The following SLC9C1 variants were observed in gnomAD, a reference collection of about 807,000 sequenced individuals.
SLC9C1 encodes sodium/hydrogen exchanger 10.
Under a neutral mutation model 140.9 loss-of-function variants are expected in SLC9C1, and 97 were observed. The ratio of observed to expected loss-of-function variants is 0.69; its 90% CI spans 0.58 to 0.82. SLC9C1 has a LOEUF of 0.82. Among genes scored for constraint, SLC9C1 ranks in the 40% least tolerant of loss-of-function variants. The pLI is 0.00. For missense variants in SLC9C1, 1,340 were observed against 1,389.3 expected (o/e 0.96, Z 0.56); for synonymous variants, 440 against 442.6 (o/e 0.99, Z 0.07).
Position 112,204,304 on chromosome 3 carries a change from C to G in SLC9C1, c.2086G>C (p.Asp696His), listed in dbSNP as rs1270177644. 2 of 1,564,324 alleles carry G rather than the reference C, an allele frequency of 1.3e-6. No individual in the cohort carries two copies. The highest frequency in any genetic ancestry group is 2.4e-5 in the East Asian group (1 of 40,894). ...TCATTAAAAATATACTTAATGGTGT[C>G]TATTTCAATAAGTATTACATGTAAG... Reference protein sequence around the residue: ...GILHVILIEIDTIKYIFNETE... With the variant: ...GILHVILIEIHTIKYIFNETE... The change falls in exon 17 of 29, where the codon GAC becomes CAC. Residue 696 changes from aspartate to histidine, a missense_variant. Transcript: ENST00000305815.
chr3:112,286,802 A>C lies in SLC9C1; in HGVS notation c.-11T>G, dbSNP rs2080521456. The C allele has an allele frequency of 6.2e-7, 1 of 1,603,090 alleles. No individual in the cohort carries two copies. The highest frequency in any genetic ancestry group is 8.5e-7 in the Non-Finnish European group (1 of 1,172,426). The stretch of plus-strand genomic sequence containing the variant: ...AAATATTCCAGCCATGTTTCAGAAA[A>C]ATTTTTATGCAGATTTATGTTAGAA... On this transcript the variant is annotated 5_prime_UTR_variant, in exon 2 of 29. It adds an upstream start codon to the 5' untranslated region. Transcript: ENST00000305815.
In SLC9C1 at chr3:112,280,826, A is replaced by T. The variant is rs767084482; in HGVS notation, c.89-43T>A. ...TTACTGAAAGGCAATGAGATATCTCATTTATAGAACTTTAATGTGACATGA... is the reference window on the plus strand; with the variant it reads ...TTACTGAAAGGCAATGAGATATCTCTTTTATAGAACTTTAATGTGACATGA... On this transcript the variant is annotated intron_variant, in intron 2 of 28. Coordinates refer to ENST00000305815, the MANE Select transcript of SLC9C1 (RefSeq NM_183061.3). 6 of 1,535,036 alleles carry T rather than the reference A, an allele frequency of 3.9e-6. No individual in the cohort carries two copies. The East Asian group carries it at 9.0e-5, about 23-fold the overall frequency.
chr3:112,217,177 G>A (rs1480528954), intron 15 of SLC9C1, among the ~76,000 whole-genome samples: 3 of 152,094 alleles, frequency 2.0e-5, no homozygotes, highest in Admixed American at 6.6e-5. Flanking sequence ...GACACATGGT[G>A]GGGAACATCA....
intron 28 of SLC9C1, among the ~76,000 whole-genome samples, chr3:112,150,799 T>C (rs1178613608): frequency 4.1e-5 from 2 of 48,204 alleles, no homozygotes; most frequent in African/African-American, 1.7e-4. Context: ...TATACATATA[T>C]ATATATATAT....
chr3:112,220,588 C>G (rs771916812), intron 14 of SLC9C1, among the ~76,000 whole-genome samples: 8 of 152,234 alleles, frequency 5.3e-5, no homozygotes, highest in Non-Finnish European at 8.8e-5. Flanking sequence ...AATCATAGAT[C>G]CAGCATTCCT....
chr3:112,234,575 T>G (rs1367931204), intron 12 of SLC9C1, among the ~76,000 whole-genome samples: 1 of 152,324 alleles, frequency 6.6e-6, no homozygotes. Context: ...TGAATGGTAT[T>G]GCCTAGGTTT....
chr3:112,207,028 T>C (rs2078072303), intron 16 of SLC9C1, among the ~76,000 whole-genome samples: 1 of 152,070 alleles, frequency 6.6e-6, no homozygotes, highest in Admixed American at 6.6e-5. Flanking sequence ...CATGTTAAAG[T>C]ATATATTTAT....
chr3:112,270,787 G>A (rs1473427255), intron 6 of SLC9C1, among the ~76,000 whole-genome samples: 1 of 152,216 alleles, frequency 6.6e-6, no homozygotes, highest in Non-Finnish European at 1.5e-5. Context: ...CTGCACTCCA[G>A]CCTGGGCAAG....
At chr3:112,267,859 G>T (rs1036718086) in intron 7 of SLC9C1, among the ~76,000 whole-genome samples, 1 of 152,034 alleles carries the variant, frequency 6.6e-6, no homozygotes. Flanking sequence ...CCCTGGATTA[G>T]GTATTATAAC....
chr3:112,154,992 T>C lies in SLC9C1; in HGVS notation c.3417+5A>G. ...CAACTTTTAGAAAGGCTGCTTTAAA[T>C]TTACCTCCTTAACATTTCTTTCTTC... On this transcript the variant is annotated splice_donor_5th_base_variant and intron_variant, in intron 27 of 28. Coordinates refer to ENST00000305815, the MANE Select transcript of SLC9C1 (RefSeq NM_183061.3). 6.2e-7 allele frequency: 1 copy of C among 1,610,774 alleles called. No homozygotes were observed. The highest frequency in any genetic ancestry group is 8.5e-7 in the Non-Finnish European group (1 of 1,178,914).
rs577252618 is a variant in SLC9C1 at position 112,278,991 on chromosome 3, C to A, written c.190-134G>T. On this transcript the variant is annotated intron_variant, in intron 3 of 28. Coordinates refer to ENST00000305815, the MANE Select transcript of SLC9C1 (RefSeq NM_183061.3). ...TATATCACACAAAGGAGTAAGTGAT[C>A]GTATCAAATTCTAGAAACTACAAAT... is the stretch of plus-strand genomic sequence containing the variant. 1.2e-4 allele frequency: 99 copies of A among 798,394 alleles called. No homozygotes were observed. In the Admixed American group the frequency reaches 2.4e-3, roughly 20 times the overall value. 49.5% of individuals were successfully genotyped at this position (798,394 alleles called of 1,614,324 possible).
intron 20 of SLC9C1, among the ~76,000 whole-genome samples, chr3:112,191,348 T>A (rs1233525781): frequency 6.6e-6 from 1 of 152,178 alleles, no homozygotes; most frequent in African/African-American, 2.4e-5. Context: ...TGGCCTTTAT[T>A]GCGTTGAGAT....
intron 12 of SLC9C1, among the ~76,000 whole-genome samples, chr3:112,233,598 A>G (rs1242050137): frequency 2.0e-5 from 3 of 151,530 alleles, no homozygotes; most frequent in African/African-American, 7.3e-5. Flanking sequence ...CGTCATTTAC[A>G]TTAGGTATCT....
At chr3:112,190,294 G>T (rs1297851410) in intron 20 of SLC9C1, among the ~76,000 whole-genome samples, 3 of 152,126 alleles carry the variant, frequency 2.0e-5, no homozygotes, top group Non-Finnish European at 4.4e-5. Flanking sequence ...GTGAGAGAGG[G>T]CATCCCTGTC....
At chr3:112,283,876 C>T (rs936170458) in intron 2 of SLC9C1, among the ~76,000 whole-genome samples, 1 of 147,532 alleles carries the variant, frequency 6.8e-6, no homozygotes, top group South Asian at 2.1e-4. Context: ...GCATCATGAT[C>T]GGTCGCCTAT....
intron 27 of SLC9C1, among the ~76,000 whole-genome samples, chr3:112,152,203 A>G (rs1286249192): frequency 6.6e-6 from 1 of 152,052 alleles, no homozygotes; most frequent in Admixed American, 6.6e-5. Flanking sequence ...CACTATCTCT[A>G]CCATCTCGGA....
In SLC9C1 at chr3:112,264,297, A is replaced by G. The variant is rs1294776620; in HGVS notation, c.925T>C (p.Phe309Leu). The change falls in exon 9 of 29, where the codon TTC (phenylalanine) becomes CTC (leucine). Residue 309 changes from phenylalanine (F) to leucine (L), a missense_variant. By Grantham distance (22) the Phe-to-Leu change is conservative (BLOSUM62 0). Coordinates refer to ENST00000305815, the MANE Select transcript of SLC9C1 (RefSeq NM_183061.3). The part of the protein sequence containing the change: ...SRIAFLMVFT[F>L]FGLLIPAHTY... ...TGTGCAGGAATTAGAAGTCCAAAGA[A>G]AGTAAACACCATGAGAAAAGCAATA... 9.4e-6 allele frequency: 14 copies of G among 1,488,858 alleles called. No homozygotes were observed. The highest frequency in any genetic ancestry group is 1.3e-5 in the Non-Finnish European group (14 of 1,119,272). 92.2% of individuals were successfully genotyped at this position (1,488,858 alleles called of 1,614,324 possible).
At chr3:112,233,026 T>TACACACACACACACACAC (rs60551268) in intron 12 of SLC9C1, among the ~76,000 whole-genome samples, 1 of 134,418 alleles carries the variant, frequency 7.4e-6, no homozygotes, top group Non-Finnish European at 1.5e-5. Flanking sequence ...TTCACTTTCA[T>TACACACACACACACACAC]ACACACACAC....
intron 10 of SLC9C1, among the ~76,000 whole-genome samples, chr3:112,254,855 C>T (rs1204873168): frequency 6.6e-6 from 1 of 152,074 alleles, no homozygotes; most frequent in African/African-American, 2.4e-5. Context: ...CCCCTTTCAT[C>T]TGCAGTGACA....
Sources: allele counts gnomAD v4.1 joint callset (sites outside exome capture counted in the v4.1 genomes callset), GRCh38; gene constraint gnomAD v4.1.1; transcripts MANE v1.5; gene names NCBI Gene and HGNC (gene_info 2026-07-23, HGNC 2026-07-21).